The following VEPH1 variants were observed in gnomAD, a reference collection of about 807,000 sequenced individuals.
VEPH1 encodes the protein ventricular zone-expressed PH domain-containing protein homolog 1.
Under a neutral mutation model 85.2 loss-of-function variants are expected in VEPH1, and 80 were observed. The ratio of observed to expected loss-of-function variants is 0.94; its 90% CI spans 0.78 to 1.13. VEPH1 has a LOEUF of 1.13. Ranked by LOEUF, VEPH1 falls within the 50% of genes most tolerant of loss-of-function variation. VEPH1 has a pLI of 0.00. For missense variants in VEPH1, 955 were observed against 980.5 expected (o/e 0.97, Z 0.35); for synonymous variants, 297 against 348.0 (o/e 0.85, Z 1.63).
chr3:157,376,474 A>G (rs1007068905), intron 7 of VEPH1, among the ~76,000 whole-genome samples: 3 of 152,166 alleles, frequency 2.0e-5, no homozygotes, highest in Non-Finnish European at 4.4e-5. Flanking sequence ...AAAGGTATAG[A>G]TCTCTTCTCC....
chr3:157,344,846 G>A (rs114107407), intron 9 of VEPH1, among the ~76,000 whole-genome samples: 69,858 of 151,908 alleles, frequency 0.46, 17,899 homozygotes, highest in Admixed American at 0.61. Context: ...CAACGGAAAA[G>A]AACAGAACCC....
chr3:157,339,719 C>G lies in VEPH1; in HGVS notation c.1736-22518G>C, dbSNP rs528064025. On this transcript the variant is annotated intron_variant, in intron 9 of 13. Transcript: ENST00000362010. ...ATATAAATTATTTCAGGCTTCTGCTCAAGAAGGTCGGGTGGCGAGGTTGTA... is the reference window on the plus strand; with the variant it reads ...ATATAAATTATTTCAGGCTTCTGCTGAAGAAGGTCGGGTGGCGAGGTTGTA... 2.6e-5 allele frequency among the ~76,000 whole-genome samples: 4 copies of G among 152,288 alleles called. 1 individual carries two copies. Among genetic ancestry groups the G allele is most frequent in the African/African-American group, 9.6e-5 (4 of 41,558 alleles).
chr3:157,412,663 G>C (rs1371730089), intron 6 of VEPH1, among the ~76,000 whole-genome samples: 2 of 152,110 alleles, frequency 1.3e-5, no homozygotes, highest in African/African-American at 4.8e-5. Context: ...ATTCCCAACA[G>C]CAGTGCATAG....
At chr3:157,289,437 G>C (rs1446601511) in intron 11 of VEPH1, among the ~76,000 whole-genome samples, 1 of 152,198 alleles carries the variant, frequency 6.6e-6, no homozygotes, top group Non-Finnish European at 1.5e-5. Context: ...TAGGTGTTGT[G>C]CTAAAGGATA....
intron 6 of VEPH1, among the ~76,000 whole-genome samples, chr3:157,393,082 C>G (rs746599456): frequency 4.9e-4 from 74 of 152,176 alleles, no homozygotes; most frequent in Non-Finnish European, 1.0e-3. Context: ...TGTTCCTTAA[C>G]CAGACATTGT....
Position 157,469,410 on chromosome 3 carries a change from G to C in VEPH1, c.354+904C>G, listed in dbSNP as rs150549719. Among the ~76,000 whole-genome samples, 323 of 152,296 alleles carry C rather than the reference G, an allele frequency of 2.1e-3. 3 individuals carry two copies. Among genetic ancestry groups the C allele is most frequent in the African/African-American group, 7.2e-3 (301 of 41,560 alleles). On this transcript the variant is annotated intron_variant, in intron 3 of 13. Coordinates refer to ENST00000362010, the MANE Select transcript of VEPH1 (RefSeq NM_001167912.2). ...TAACATAATCAGAATTTCCTGACCT[G>C]TGCTCAGTGGAACACAGGTTCTGAG...
In VEPH1 at chr3:157,495,412, G is replaced by A; in HGVS notation, c.-63C>T. ...CCAGAGTCATGTGTTCCAGTTATCAGAGGTCAGTAAGACAAAAACATGTAG... is the reference window on the plus strand; with the variant it reads ...CCAGAGTCATGTGTTCCAGTTATCAAAGGTCAGTAAGACAAAAACATGTAG... On this transcript the variant is annotated 5_prime_UTR_variant, in exon 2 of 14. Coordinates refer to ENST00000362010, the MANE Select transcript of VEPH1 (RefSeq NM_001167912.2). 1 of 1,588,684 alleles carries A rather than the reference G, an allele frequency of 6.3e-7. No individual in the cohort carries two copies. Among genetic ancestry groups the A allele is most frequent in the Non-Finnish European group, 8.6e-7 (1 of 1,168,632 alleles).
At chr3:157,304,432 T>A (rs1719239874) in intron 11 of VEPH1, among the ~76,000 whole-genome samples, 1 of 152,206 alleles carries the variant, frequency 6.6e-6, no homozygotes, top group Non-Finnish European at 1.5e-5. Context: ...GAACACGTGT[T>A]AATAAAGGCC....
chr3:157,343,502 C>G (rs533942412), intron 9 of VEPH1, among the ~76,000 whole-genome samples: 1 of 152,178 alleles, frequency 6.6e-6, no homozygotes, highest in African/African-American at 2.4e-5. Context: ...CTCAATAGAC[C>G]AATAACAGGC....
At chr3:157,355,324 T>C (rs972807994) in intron 9 of VEPH1, among the ~76,000 whole-genome samples, 4 of 152,084 alleles carry the variant, frequency 2.6e-5, no homozygotes, top group African/African-American at 7.2e-5. Flanking sequence ...TCAAGAAGAG[T>C]TGGCTGATGA....
chr3:157,361,538 G>A (rs1162738650), intron 9 of VEPH1, among the ~76,000 whole-genome samples: 1 of 152,224 alleles, frequency 6.6e-6, no homozygotes, highest in African/African-American at 2.4e-5. Context: ...TGGAGGCTGA[G>A]CTGTCTGGCT....
chr3:157,288,864 G>A (rs187596754), intron 11 of VEPH1, among the ~76,000 whole-genome samples: 1 of 152,182 alleles, frequency 6.6e-6, no homozygotes, highest in Non-Finnish European at 1.5e-5. Flanking sequence ...CATTTTGGAG[G>A]TTTGACATGG....
intron 12 of VEPH1, among the ~76,000 whole-genome samples, chr3:157,276,293 G>A (rs529204022): frequency 1.4e-4 from 22 of 152,272 alleles, no homozygotes; most frequent in African/African-American, 3.9e-4. Context: ...TCAGAAATAC[G>A]GTGTTGTAAG....
At chr3:157,499,896 C>G (rs1368025285) in intron 1 of VEPH1, among the ~76,000 whole-genome samples, 1 of 152,132 alleles carries the variant, frequency 6.6e-6, no homozygotes, top group East Asian at 1.9e-4. Context: ...ACTTCCCTCT[C>G]CCTGAGATCT....
At chr3:157,410,009 A>G (rs1039531074) in intron 6 of VEPH1, 2 of 898,862 alleles carry the variant, frequency 2.2e-6, no homozygotes, top group Middle Eastern at 5.6e-4. Context: ...GAGATTGTAC[A>G]TTACAAAAGT....
chr3:157,428,547 A>G (rs1355064000), intron 4 of VEPH1, 59 bp from the exon 5 acceptor site: 21 of 1,521,766 alleles, frequency 1.4e-5, no homozygotes, highest in Non-Finnish European at 1.9e-5. Context: ...AACAGAAATA[A>G]CATTATTACC....
intron 6 of VEPH1, among the ~76,000 whole-genome samples, chr3:157,402,627 A>G (rs915535584): frequency 6.6e-6 from 1 of 152,174 alleles, no homozygotes; most frequent in African/African-American, 2.4e-5. Context: ...CCTTTATAGG[A>G]TCTATACTGC....
At chr3:157,284,072 A>C (rs1273171542) in intron 12 of VEPH1, among the ~76,000 whole-genome samples, 2 of 152,210 alleles carry the variant, frequency 1.3e-5, no homozygotes, top group Admixed American at 6.5e-5. Context: ...AAACAGCCCT[A>C]ATCTTCATTT....
intron 13 of VEPH1, 72 bp from the exon 14 acceptor site, chr3:157,261,442 C>G (rs1712888897): frequency 8.9e-6 from 14 of 1,570,716 alleles, no homozygotes; most frequent in Non-Finnish European, 2.6e-6. Context: ...TACTGGAGAA[C>G]TTTCTAAGAG....
Sources: gnomAD v4.1 joint callset for allele counts (sites outside exome capture counted in the v4.1 genomes callset) on GRCh38, gnomAD v4.1.1 for gene constraint, MANE v1.5 for transcripts, NCBI Gene and HGNC (gene_info 2026-07-23, HGNC 2026-07-21) for gene names.